Variants in NADSYN1 observed in about 807,000 individuals in gnomAD.
The protein encoded by NADSYN1 is glutamine-dependent NAD(+) synthetase.
Under a neutral mutation model 99.3 loss-of-function variants are expected in NADSYN1, and 80 were observed. The ratio of observed to expected loss-of-function variants is 0.81; its 90% confidence interval spans 0.67 to 0.97. The LOEUF is 0.97. NADSYN1 is among the 50% of genes least tolerant of loss of function. NADSYN1 has a pLI of 0.00. For synonymous variants in NADSYN1, 385 were observed against 372.1 expected, an observed-to-expected ratio of 1.03 and a Z score of -0.40; for missense variants, 859 against 948.5, an observed-to-expected ratio of 0.91 and a Z score of 1.24.
At chr11:71,461,990 T>A (rs892877953) in intron 3 of NADSYN1, among the ~76,000 whole-genome samples, 3 of 152,236 alleles carry the variant, frequency 2.0e-5, no homozygotes, top group African/African-American at 7.2e-5. Flanking sequence ...TGCCCCTGCA[T>A]GCATCTTGCC....
intron 16 of NADSYN1, among the ~76,000 whole-genome samples, chr11:71,487,685 G>T (rs1949751026): frequency 2.0e-5 from 3 of 151,930 alleles, no homozygotes; most frequent in Admixed American, 2.0e-4. Context: ...CAAAAAATTA[G>T]CCGGGCGTGG....
chr11:71,484,706 G>A, intron 15 of NADSYN1: 1 of 489,764 alleles, frequency 2.0e-6, no homozygotes, highest in African/African-American at 1.9e-5. Flanking sequence ...CAAGAGCGGG[G>A]GTGTAAGGAT....
chr11:71,492,360 C>A (rs971611120), intron 18 of NADSYN1, among the ~76,000 whole-genome samples: 2 of 152,140 alleles, frequency 1.3e-5, no homozygotes, highest in African/African-American at 4.8e-5. Context: ...TCTTAGGTCA[C>A]CAGGACTTGC....
intron 10 of NADSYN1, chr11:71,479,957 A>G (rs976057683): frequency 5.3e-5 from 8 of 152,228 alleles, no homozygotes; most frequent in African/African-American, 1.9e-4. Context: ...AGTGTTCCGT[A>G]GCGGGGATGG....
intron 9 of NADSYN1, 38 bp downstream of exon 9, chr11:71,474,564 T>C (rs1565600703): frequency 6.2e-7 from 1 of 1,613,276 alleles, no homozygotes; most frequent in Non-Finnish European, 8.5e-7. Flanking sequence ...GGGAGGGTTC[T>C]CTGTGCAGAG....
intron 4 of NADSYN1, among the ~76,000 whole-genome samples, chr11:71,463,821 G>T (rs1037254669): frequency 3.9e-5 from 6 of 152,232 alleles, no homozygotes. Context: ...CTGGGGAGGC[G>T]CACACCTTCT....
At chr11:71,469,667 G>T (rs1949614398) in intron 5 of NADSYN1, among the ~76,000 whole-genome samples, 1 of 152,196 alleles carries the variant, frequency 6.6e-6, no homozygotes, top group Non-Finnish European at 1.5e-5. Context: ...GCCTTAAGTG[G>T]TTTTCCGCCC....
intron 20 of NADSYN1, among the ~76,000 whole-genome samples, chr11:71,500,664 A>G (rs1039579934): frequency 3.3e-5 from 5 of 152,160 alleles, no homozygotes; most frequent in African/African-American, 1.2e-4. Context: ...TTTCCGTGGA[A>G]AGGAACTTGC....
At chr11:71,495,820 C>T (rs116146270) in intron 18 of NADSYN1, among the ~76,000 whole-genome samples, 14 of 152,278 alleles carry the variant, frequency 9.2e-5, no homozygotes, top group East Asian at 3.9e-4. Context: ...GAAGGCCCAG[C>T]GGTGGCTCTG....
At chr11:71,463,531 C>T (rs576443994) in intron 4 of NADSYN1, 46 bp downstream of exon 4, 2 of 1,581,662 alleles carry the variant, frequency 1.3e-6, no homozygotes, top group African/African-American at 1.3e-5. Context: ...GGGCCTCTCC[C>T]TGGCTCTCAG....
chr11:71,484,504 A>G (rs1949729394), intron 15 of NADSYN1, 57 bp downstream of exon 15: 3 of 1,563,394 alleles, frequency 1.9e-6, no homozygotes, highest in Admixed American at 1.9e-5. Flanking sequence ...GCACTGGGAC[A>G]ATCACTACAG....
intron 20 of NADSYN1, 102 bp from the exon 21 acceptor site, chr11:71,501,200 T>C: frequency 1.8e-6 from 2 of 1,139,952 alleles, no homozygotes; most frequent in South Asian, 1.8e-5. Context: ...ATTTACTTTT[T>C]CACCTCTGGG....
chr11:71,484,304 C>T lies in NADSYN1; in HGVS notation c.1320-8C>T, dbSNP rs1949727704. 1 of 1,612,092 alleles carries T rather than the reference C, an allele frequency of 6.2e-7. No homozygotes were observed. Among genetic ancestry groups the T allele is most frequent in the African/African-American group, 1.3e-5 (1 of 74,930 alleles). Reference sequence around the variant, plus strand: ...TGCTGCCTTCAACGCCTATCCTTCTCCTTCCAGCCACCACATCAGTCTCAA... The same window carrying T: ...TGCTGCCTTCAACGCCTATCCTTCTTCTTCCAGCCACCACATCAGTCTCAA... On this transcript the variant is annotated splice_region_variant and splice_polypyrimidine_tract_variant and intron_variant, in intron 14 of 20. Transcript: ENST00000319023.
rs995405015 is a variant in NADSYN1, at chr11:71,482,755, G to A, written c.1151-94G>A. 15 of 1,402,050 alleles carry A rather than the reference G, an allele frequency of 1.1e-5. No individual in the cohort carries two copies. In the African/African-American group the frequency reaches 1.2e-4, roughly 11 times the overall value. 86.9% of individuals were successfully genotyped at this position (1,402,050 alleles called of 1,614,324 possible). On this transcript the variant is annotated intron_variant, in intron 13 of 20. Coordinates refer to ENST00000319023, the MANE Select transcript of NADSYN1 (RefSeq NM_018161.5). ...TGGGGGTGTAGACCGGGGTGGAGCC[G>A]CATGGGCACCTGGGGGTGTAGACCG... is the stretch of plus-strand genomic sequence containing the variant.
chr11:71,491,447 T>A (rs1189474480), intron 17 of NADSYN1, among the ~76,000 whole-genome samples: 1 of 105,904 alleles, frequency 9.4e-6, no homozygotes, highest in Non-Finnish European at 2.1e-5. Context: ...CATGCTTAGC[T>A]TCGCCACACG....
intron 5 of NADSYN1, 88 bp downstream of exon 5, chr11:71,464,230 G>C (rs181627478): frequency 9.7e-7 from 1 of 1,033,404 alleles, no homozygotes; most frequent in African/African-American, 1.6e-5. Context: ...GAGTGTTACC[G>C]GTGGAGGGTG....
chr11:71,497,279 A>T lies in NADSYN1; in HGVS notation c.1765-204A>T. On this transcript the variant is annotated intron_variant, in intron 18 of 20. Transcript: ENST00000319023. ...TTCACCCGTTACGGTCCTCCAAACC[A>T]AATGCCTGGTTCTTCGTTGCTGTTT... 5.0e-6 allele frequency: 3 copies of T among 600,460 alleles called. No individual in the cohort carries two copies. The South Asian group carries it at 6.0e-5, about 12-fold the overall frequency. The allele number at this position is 600,460 out of a possible 1,614,324, so 37.2% of individuals were successfully genotyped here. A position where few individuals can be genotyped will look rare whatever the true frequency, so the allele number is the denominator to read the frequency against.
Position 71,454,998 on chromosome 11 carries a change from TTTG to T in NADSYN1, c.86-106_86-104del, listed in dbSNP as rs947466735. The T allele has an allele frequency of 1.6e-5, 11 of 707,358 alleles. No individual in the cohort carries two copies. In the African/African-American group the frequency reaches 2.4e-4, roughly 15 times the overall value. 43.8% of individuals were successfully genotyped at this position (707,358 alleles called of 1,614,324 possible). A position where few individuals can be genotyped will look rare whatever the true frequency, so the allele number is the denominator to read the frequency against. On this transcript the variant is annotated intron_variant, in intron 1 of 20. Coordinates refer to ENST00000319023, the MANE Select transcript of NADSYN1 (RefSeq NM_018161.5). The stretch of plus-strand genomic sequence containing the variant: ...TCTGGGAAGGCACAGAGCATTTTTG[TTTG>T]TTGTTTGTTTTTTTTTTTATCCTAC...
At chr11:71,479,444 G>A (rs1949690375) in intron 10 of NADSYN1, 1 of 151,916 alleles carries the variant, frequency 6.6e-6, no homozygotes, top group African/African-American at 2.4e-5. Context: ...ACCACCCAAT[G>A]TATCCATTTA....
Sources: gnomAD v4.1 joint callset for allele counts (sites outside exome capture counted in the v4.1 genomes callset) on GRCh38, gnomAD v4.1.1 for gene constraint, MANE v1.5 for transcripts, NCBI Gene and HGNC (gene_info 2026-07-23, HGNC 2026-07-21) for gene names.